The following KIAA1549L variants were observed in gnomAD, a reference collection of about 807,000 sequenced individuals.
KIAA1549L encodes UPF0606 protein KIAA1549L.
KIAA1549L carries 88 observed loss-of-function variants against 160.7 expected under a neutral mutation model. The ratio of observed to expected loss-of-function variants is 0.55; its 90% CI spans 0.46 to 0.65. The LOEUF is 0.65. Ranked by LOEUF, KIAA1549L falls within the 30% of genes least tolerant of loss-of-function variation. The pLI is 0.00. For synonymous variants in KIAA1549L, 950 were observed against 976.7 expected, an observed-to-expected ratio of 0.97 and a Z score of 0.51; for missense variants, 2,258 against 2,437.5, an observed-to-expected ratio of 0.93 and a Z score of 1.55.
At chr11:33,534,844 C>T (rs1853857704) in intron 1 of KIAA1549L, among the ~76,000 whole-genome samples, 2 of 152,172 alleles carry the variant, frequency 1.3e-5, no homozygotes, top group Admixed American at 1.3e-4. Context: ...CTTGTGATCT[C>T]CCTTCTTCCT....
chr11:33,638,436 AT>A (rs200103779), intron 16 of KIAA1549L, among the ~76,000 whole-genome samples: 2,082 of 27,790 alleles, frequency 0.075, 18 homozygotes, highest in Admixed American at 0.14. Flanking sequence ...AAAAAAAAAA[AT>A]AAATAAATAA....
At chr11:33,501,009 CAA>C (rs1326834433) in intron 1 of KIAA1549L, among the ~76,000 whole-genome samples, 12 of 151,700 alleles carry the variant, frequency 7.9e-5, no homozygotes, top group Admixed American at 3.9e-4. Flanking sequence ...AAAAAAAAAC[CAA>C]AGACATACTC....
Position 33,645,908 on chromosome 11 carries a change from T to C in KIAA1549L, c.5632T>C (p.Ser1878Pro). 5 of 1,613,540 alleles carry C rather than the reference T, an allele frequency of 3.1e-6. No homozygotes were observed. Among genetic ancestry groups the C allele is most frequent in the Non-Finnish European group, 4.2e-6 (5 of 1,179,694 alleles). ...GQSRHQEAYG[S>P]AQHLPYSEVV... ...GAGCCGGCACCAAGAGGCCTACGGCTCAGCCCAGCACCTGCCCTATTCGGA... is the reference window on the plus strand; with the variant it reads ...GAGCCGGCACCAAGAGGCCTACGGCCCAGCCCAGCACCTGCCCTATTCGGA... The change falls in exon 17 of 21, where the codon TCA becomes CCA. Residue 1878 changes from serine (S) to proline (P), a missense_variant. Ser to Pro is a moderately conservative substitution (Grantham distance 74). Around this residue, in one of 6 missense-constraint regions of KIAA1549L, gnomAD observed 1,359 missense variants for 1,546.6 expected, o/e 0.88. Transcript: ENST00000658780.
rs758860156 is a variant in KIAA1549L, at chr11:33,606,700, G to A, written c.4939G>A (p.Ala1647Thr). ...ATTTGACAACTCCAGCAAGGTGGCC[G>A]CTGAACCCTTTGACACATCTTCTGG... Reference protein sequence around the residue: ...VLFDNSSKVAAEPFDTSSGSV... With the variant: ...VLFDNSSKVATEPFDTSSGSV... The change falls in exon 14 of 21, where the codon GCT becomes ACT. Residue 1647 changes from alanine to threonine, a missense_variant. Coordinates refer to ENST00000658780, the MANE Select transcript of KIAA1549L (RefSeq NM_012194.3). 7.4e-6 allele frequency: 12 copies of A among 1,613,834 alleles called. No homozygotes were observed. The highest frequency in any genetic ancestry group is 3.3e-5 in the South Asian group (3 of 91,076).
chr11:33,473,514 T>C (rs896941069), intron 1 of KIAA1549L, among the ~76,000 whole-genome samples: 33 of 152,310 alleles, frequency 2.2e-4, no homozygotes, highest in South Asian at 6.2e-4. Context: ...TATCAGCAGT[T>C]TAAAGTGGCC....
intron 1 of KIAA1549L, among the ~76,000 whole-genome samples, chr11:33,453,592 A>G (rs1356622443): frequency 6.6e-6 from 1 of 152,210 alleles, no homozygotes; most frequent in Admixed American, 6.5e-5. Context: ...TTAAAATTCT[A>G]GAATCTTTCT....
chr11:33,404,257 G>T (rs921993344), intron 1 of KIAA1549L, among the ~76,000 whole-genome samples: 1 of 152,200 alleles, frequency 6.6e-6, no homozygotes, highest in Non-Finnish European at 1.5e-5. Flanking sequence ...AGGCACAGTG[G>T]CTCATGTCTT....
chr11:33,461,599 G>A (rs1851944544), intron 1 of KIAA1549L, among the ~76,000 whole-genome samples: 1 of 152,158 alleles, frequency 6.6e-6, no homozygotes, highest in South Asian at 2.1e-4. Context: ...ATTCACACCT[G>A]TGCAGCCTTT....
intron 1 of KIAA1549L, among the ~76,000 whole-genome samples, chr11:33,530,239 C>A (rs146391652): frequency 1.6e-4 from 21 of 134,538 alleles, no homozygotes; most frequent in Non-Finnish European, 1.6e-4. Context: ...CTAAAAAATA[C>A]AAAAAAAAAA....
At chr11:33,457,700 G>A (rs911755951) in intron 1 of KIAA1549L, among the ~76,000 whole-genome samples, 1 of 152,242 alleles carries the variant, frequency 6.6e-6, no homozygotes, top group African/African-American at 2.4e-5. Context: ...TGGATTGGCT[G>A]TTGTGGGATC....
intron 1 of KIAA1549L, among the ~76,000 whole-genome samples, chr11:33,526,983 A>G (rs1012578263): frequency 6.6e-6 from 1 of 152,246 alleles, no homozygotes; most frequent in African/African-American, 2.4e-5. Context: ...TTTGGAAATG[A>G]AAGACATACT....
intron 1 of KIAA1549L, among the ~76,000 whole-genome samples, chr11:33,380,886 G>A (rs112660065): frequency 5.7e-4 from 86 of 152,146 alleles, no homozygotes; most frequent in Admixed American, 9.8e-4. Flanking sequence ...ACTTGCAGTC[G>A]AGTCTAGAAC....
At chr11:33,454,036 A>G (rs1851773099) in intron 1 of KIAA1549L, among the ~76,000 whole-genome samples, 1 of 152,214 alleles carries the variant, frequency 6.6e-6, no homozygotes, top group Non-Finnish European at 1.5e-5. Flanking sequence ...ATACTGAGCA[A>G]AAAGTTAAAT....
intron 1 of KIAA1549L, among the ~76,000 whole-genome samples, chr11:33,488,970 C>T (rs1852593566): frequency 6.6e-6 from 1 of 152,204 alleles, no homozygotes; most frequent in African/African-American, 2.4e-5. Context: ...GTTTACAGTA[C>T]ATTTCTACAT....
At chr11:33,647,503 A>G (rs1277175018) in intron 17 of KIAA1549L, among the ~76,000 whole-genome samples, 1 of 152,246 alleles carries the variant, frequency 6.6e-6, no homozygotes, top group Admixed American at 6.5e-5. Flanking sequence ...TTTGTATCAC[A>G]AAAACCGAGA....
chr11:33,607,862 G>A (rs368744956), intron 14 of KIAA1549L, among the ~76,000 whole-genome samples: 90 of 152,296 alleles, frequency 5.9e-4, no homozygotes, highest in African/African-American at 2.2e-3. Context: ...GATGTGATGG[G>A]TAAACCTTCA....
intron 12 of KIAA1549L, among the ~76,000 whole-genome samples, chr11:33,593,476 C>T (rs1015914466): frequency 7.9e-5 from 12 of 152,160 alleles, no homozygotes; most frequent in Non-Finnish European, 1.6e-4. Flanking sequence ...AACAGACTCA[C>T]TTTGGCTGCT....
intron 1 of KIAA1549L, among the ~76,000 whole-genome samples, chr11:33,420,657 A>G (rs36077326): frequency 0.29 from 44,184 of 152,166 alleles, 7,751 homozygotes; most frequent in Non-Finnish European, 0.39. Flanking sequence ...CCAGCAGGGA[A>G]GTTCAGAGAA....
intron 16 of KIAA1549L, among the ~76,000 whole-genome samples, chr11:33,623,415 C>T (rs2133359285): frequency 6.6e-6 from 1 of 152,334 alleles, no homozygotes; most frequent in South Asian, 2.1e-4. Context: ...CTTAGCCTTT[C>T]ATTTCCTTCT....
Sources: allele counts gnomAD v4.1 joint callset (sites outside exome capture counted in the v4.1 genomes callset), GRCh38; gene constraint gnomAD v4.1.1; regional missense constraint gnomAD v4.1.1; transcripts MANE v1.5; gene names NCBI Gene and HGNC (gene_info 2026-07-23, HGNC 2026-07-21).